FAM135B: variants seen among roughly 807,000 people sequenced by gnomAD.
FAM135B encodes family with sequence similarity 135 member B.
Under a neutral mutation model 127.7 loss-of-function variants are expected in FAM135B, and 43 were observed. That is an observed-to-expected ratio of 0.34 (90% CI 0.26 to 0.43). FAM135B has a LOEUF of 0.43. Among genes scored for constraint, FAM135B ranks in the 20% least tolerant of loss-of-function variants. The probability of loss-of-function intolerance (pLI) is 1.00; values close to 1 mark genes in which losing one functional copy is unlikely to be tolerated. For missense variants in FAM135B, 1,558 were observed against 1,725.6 expected (o/e 0.90, Z 1.72); for synonymous variants, 670 against 665.1 (o/e 1.01, Z -0.11).
chr8:138,460,801 T>G (rs973189069), intron 1 of FAM135B, among the ~76,000 whole-genome samples: 1 of 152,080 alleles, frequency 6.6e-6, no homozygotes, highest in Non-Finnish European at 1.5e-5. Context: ...GATGTGACGT[T>G]GGGAGCTGTG....
At chr8:138,479,751 G>A (rs756176852) in intron 1 of FAM135B, among the ~76,000 whole-genome samples, 5 of 152,108 alleles carry the variant, frequency 3.3e-5, no homozygotes, top group Non-Finnish European at 5.9e-5. Context: ...CCTCAGCACT[G>A]GACTTGGACT....
At chr8:138,351,607 A>G (rs1567683) in intron 2 of FAM135B, among the ~76,000 whole-genome samples, 151,250 of 152,052 alleles carry the variant, frequency 0.99, 75,232 homozygotes, top group East Asian at 1. Context: ...TGCTTCATAC[A>G]CCCAGTTTTG....
intron 1 of FAM135B, among the ~76,000 whole-genome samples, chr8:138,488,944 C>T (rs1815097736): frequency 6.6e-6 from 1 of 152,168 alleles, no homozygotes; most frequent in Non-Finnish European, 1.5e-5. Context: ...GGATTACAGG[C>T]GTGAGCCATC....
Position 138,242,794 on chromosome 8 carries a change from A to G in FAM135B, c.669+148T>C, listed in dbSNP as rs1303356837. 2 of 1,040,218 alleles carry G rather than the reference A, an allele frequency of 1.9e-6. No individual in the cohort carries two copies. Among genetic ancestry groups the G allele is most frequent in the Admixed American group, 3.0e-5 (1 of 33,554 alleles). The allele number at this position is 1,040,218 out of a possible 1,614,324, so 64.4% of individuals were successfully genotyped here. ...TCTGATAGAGCTTGTAGTGATAAAA[A>G]CAAGGGGTGGGAAGATGGTGAAAGG... On this transcript the variant is annotated intron_variant, in intron 7 of 19. Coordinates refer to ENST00000395297, the MANE Select transcript of FAM135B (RefSeq NM_015912.4). The surrounding 1 kb of genome is among the most constrained non-coding windows in gnomAD (Gnocchi z 9.6).
chr8:138,422,227 G>A (rs1435104433), intron 1 of FAM135B, among the ~76,000 whole-genome samples: 2 of 151,988 alleles, frequency 1.3e-5, no homozygotes, highest in East Asian at 1.9e-4. Flanking sequence ...ATTTTATGAC[G>A]ATGACTCTAA....
At chr8:138,225,114 G>A (rs1486746678) in intron 7 of FAM135B, among the ~76,000 whole-genome samples, 1 of 152,160 alleles carries the variant, frequency 6.6e-6, no homozygotes, top group Non-Finnish European at 1.5e-5. Context: ...TAAAGGATAA[G>A]TTGGTGAGTG....
At chr8:138,146,466 T>C (rs1043265854) in intron 14 of FAM135B, among the ~76,000 whole-genome samples, 1 of 152,116 alleles carries the variant, frequency 6.6e-6, no homozygotes, top group Non-Finnish European at 1.5e-5. Context: ...AGGAAGACTA[T>C]CTAGTGCTGC....
chr8:138,211,933 T>G (rs560373977), intron 7 of FAM135B, among the ~76,000 whole-genome samples: 1 of 152,210 alleles, frequency 6.6e-6, no homozygotes, highest in Non-Finnish European at 1.5e-5. Context: ...CCAGGCGTAA[T>G]GGTGCACACC....
At chr8:138,443,372 A>T (rs1285681459) in intron 1 of FAM135B, among the ~76,000 whole-genome samples, 1 of 152,152 alleles carries the variant, frequency 6.6e-6, no homozygotes, top group Non-Finnish European at 1.5e-5. Context: ...GGAGCCAGAA[A>T]ATATGATCTG....
intron 13 of FAM135B, 181 bp from the exon 14 acceptor site, chr8:138,148,867 C>A: frequency 2.3e-6 from 1 of 427,416 alleles, no homozygotes; most frequent in Non-Finnish European, 4.1e-6. Flanking sequence ...AACAAGGAGG[C>A]AGGAAAGCAC....
chr8:138,192,632 G>A (rs552103697), intron 9 of FAM135B, among the ~76,000 whole-genome samples: 92 of 152,128 alleles, frequency 6.0e-4, no homozygotes, highest in African/African-American at 2.2e-3. Context: ...CCCAGGAACA[G>A]ACTCAGCGCA....
At chr8:138,316,805 C>A (rs1258648276) in intron 2 of FAM135B, among the ~76,000 whole-genome samples, 3 of 151,794 alleles carry the variant, frequency 2.0e-5, no homozygotes, top group Non-Finnish European at 2.9e-5. Flanking sequence ...ACGGTGAAAC[C>A]CCGTCTCTAC....
intron 1 of FAM135B, among the ~76,000 whole-genome samples, chr8:138,371,310 T>C (rs762715608): frequency 2.0e-5 from 3 of 152,092 alleles, no homozygotes; most frequent in Non-Finnish European, 4.4e-5. Context: ...ATGCAAACAA[T>C]AGACCCATGA....
At chr8:138,294,727 C>A (rs1486888997) in intron 3 of FAM135B, among the ~76,000 whole-genome samples, 7 of 152,236 alleles carry the variant, frequency 4.6e-5, no homozygotes, top group Non-Finnish European at 8.8e-5. Context: ...CCTGACCATT[C>A]AAACTGCAAA....
chr8:138,172,153 C>G (rs574336312), intron 11 of FAM135B, among the ~76,000 whole-genome samples: 13 of 152,336 alleles, frequency 8.5e-5, no homozygotes, highest in African/African-American at 3.1e-4. Flanking sequence ...CTGAATTAAG[C>G]AAACTGCAGG....
At chr8:138,413,162 A>G (rs1244554333) in intron 1 of FAM135B, among the ~76,000 whole-genome samples, 2 of 152,192 alleles carry the variant, frequency 1.3e-5, no homozygotes, top group African/African-American at 4.8e-5. Flanking sequence ...GACACAAAGC[A>G]GTTCAGTGAA....
chr8:138,154,147 G>T (rs939883358), intron 12 of FAM135B, among the ~76,000 whole-genome samples: 1 of 152,204 alleles, frequency 6.6e-6, no homozygotes, highest in African/African-American at 2.4e-5. Context: ...CTGTTCTGCA[G>T]CCTCCACTGG....
chr8:138,386,224 C>CA (rs71274860), intron 1 of FAM135B, among the ~76,000 whole-genome samples: 32,970 of 141,422 alleles, frequency 0.23, 3,817 homozygotes, highest in Non-Finnish European at 0.27. Flanking sequence ...CTCAAAAAAA[C>CA]AAAAAAAAAA....
chr8:138,147,238 A>G (rs1288890674), intron 14 of FAM135B, among the ~76,000 whole-genome samples: 3 of 151,542 alleles, frequency 2.0e-5, no homozygotes, highest in African/African-American at 7.3e-5. Context: ...CACTGTTTCT[A>G]TTGTTTAAAG....
Sources: allele counts gnomAD v4.1 joint callset (sites outside exome capture counted in the v4.1 genomes callset), GRCh38; gene constraint gnomAD v4.1.1; non-coding constraint Gnocchi (gnomAD v3.1); transcripts MANE v1.5; gene names NCBI Gene and HGNC (gene_info 2026-07-23, HGNC 2026-07-21).